SPIN1: variants seen among roughly 807,000 people sequenced by gnomAD.
SPIN1 encodes the protein spindlin 1.
A neutral mutation model predicts 26.0 loss-of-function variants in SPIN1; 3 were observed. The observed-to-expected ratio is 0.12, with a 90% CI of 0.05 to 0.30. The LOEUF (loss-of-function observed/expected upper bound fraction) is 0.30. SPIN1 is among the 10% of genes least tolerant of loss of function. SPIN1 has a pLI of 1.00. For missense variants in SPIN1, 126 were observed against 333.4 expected (o/e 0.38, Z 4.84); for synonymous variants, 101 against 116.5 (o/e 0.87, Z 0.86).
At chr9:88,421,116 T>C (rs1430026717) in intron 1 of SPIN1, among the ~76,000 whole-genome samples, 1 of 145,518 alleles carries the variant, frequency 6.9e-6, no homozygotes, top group East Asian at 1.9e-4. Flanking sequence ...CCCTGAATTA[T>C]TTGAAGTTAA....
intron 4 of SPIN1, among the ~76,000 whole-genome samples, chr9:88,464,479 C>G (rs1828622554): frequency 6.6e-6 from 1 of 152,208 alleles, no homozygotes; most frequent in East Asian, 1.9e-4. Context: ...TGTCACAGAG[C>G]AGTGGTTCCC....
chr9:88,433,777 G>GAGT (rs1666258065), intron 2 of SPIN1, among the ~76,000 whole-genome samples: 1 of 152,216 alleles, frequency 6.6e-6, no homozygotes, highest in Non-Finnish European at 1.5e-5. Flanking sequence ...GCAACAAGGA[G>GAGT]AGTATCACCT....
chr9:88,410,189 G>GCA (rs1564025099), intron 1 of SPIN1, among the ~76,000 whole-genome samples: 1 of 121,252 alleles, frequency 8.2e-6, no homozygotes, highest in African/African-American at 6.1e-5. Context: ...GTGTGTGTGT[G>GCA]CAACTTTTTT....
chr9:88,421,799 T>TAG (rs1248987982), intron 1 of SPIN1, among the ~76,000 whole-genome samples: 2 of 152,146 alleles, frequency 1.3e-5, no homozygotes, highest in Non-Finnish European at 1.5e-5. Context: ...CTCATGGTGT[T>TAG]GTCTAAGTTG....
intron 5 of SPIN1, 48 bp downstream of exon 5, chr9:88,468,653 G>A: frequency 1.7e-6 from 2 of 1,187,994 alleles, no homozygotes; most frequent in Non-Finnish European, 2.2e-6. Context: ...GAAGGGATTT[G>A]GACTTCAGTA....
intron 1 of SPIN1, among the ~76,000 whole-genome samples, chr9:88,399,332 G>A (rs1033843503): frequency 2.0e-5 from 3 of 152,074 alleles, no homozygotes; most frequent in Admixed American, 6.6e-5. Flanking sequence ...GTGCCCAGCC[G>A]TTAAGCGGTT....
At position 88,476,809 on chromosome 9, in the gene SPIN1, T is replaced by G. The variant is rs1478330649; in HGVS notation, c.*1532T>G. 2.0e-5 allele frequency: 3 copies of G among 152,176 alleles called. No homozygotes were observed. The highest frequency in any genetic ancestry group is 7.2e-5 in the African/African-American group (3 of 41,442). The allele number at this position is 152,176 out of a possible 1,614,324, so 9.4% of individuals were successfully genotyped here. On this transcript the variant is annotated 3_prime_UTR_variant, in exon 6 of 6. Coordinates refer to ENST00000375859, the MANE Select transcript of SPIN1 (RefSeq NM_006717.3). Reference sequence around the variant, plus strand: ...TGTGAAACCAGTCTCTTGTGGAGATTGGAAATCCTCCCTGATATTTGGGCA... The same window carrying G: ...TGTGAAACCAGTCTCTTGTGGAGATGGGAAATCCTCCCTGATATTTGGGCA...
intron 2 of SPIN1, among the ~76,000 whole-genome samples, chr9:88,447,097 T>A (rs2118123970): frequency 6.6e-6 from 1 of 152,322 alleles, no homozygotes; most frequent in African/African-American, 2.4e-5. Context: ...TTGTGCTCAT[T>A]GTTTTCTTCC....
chr9:88,448,377 G>A (rs1413168343), intron 2 of SPIN1, among the ~76,000 whole-genome samples: 1 of 151,580 alleles, frequency 6.6e-6, no homozygotes, highest in Non-Finnish European at 1.5e-5. Context: ...TTTGAGACAA[G>A]GTCTTGCTCT....
intron 2 of SPIN1, among the ~76,000 whole-genome samples, chr9:88,431,617 TTGTG>T (rs776650372): frequency 1.3e-5 from 2 of 152,208 alleles, no homozygotes; most frequent in East Asian, 3.8e-4. Flanking sequence ...TTCTCATTCT[TTGTG>T]TGTGTCCAGT....
intron 1 of SPIN1, among the ~76,000 whole-genome samples, chr9:88,398,576 TTTTA>T (rs1336333293): frequency 3.3e-5 from 5 of 152,144 alleles, no homozygotes; most frequent in South Asian, 4.1e-4. Flanking sequence ...ATTTGTTGAC[TTTTA>T]TTTATTTATT....
intron 2 of SPIN1, among the ~76,000 whole-genome samples, chr9:88,428,843 A>G (rs1827810348): frequency 6.6e-6 from 1 of 152,194 alleles, no homozygotes; most frequent in Non-Finnish European, 1.5e-5. Flanking sequence ...AAGATACAAG[A>G]AAAACAAACC....
chr9:88,450,977 C>T (rs998512175), intron 3 of SPIN1, among the ~76,000 whole-genome samples: 3 of 152,106 alleles, frequency 2.0e-5, no homozygotes, highest in Non-Finnish European at 4.4e-5. Flanking sequence ...GGCTGTTAGG[C>T]CTGTGGAAGT....
At position 88,395,476 on chromosome 9, in the gene SPIN1, T is replaced by C. The variant is rs968328798; in HGVS notation, c.-159+6938T>C. Among the ~76,000 whole-genome samples, 11 of 152,256 alleles carry C rather than the reference T, an allele frequency of 7.2e-5. 1 individual carries two copies. The highest frequency in any genetic ancestry group is 2.6e-4 in the Admixed American group (4 of 15,242). On this transcript the variant is annotated intron_variant, in intron 1 of 5. Transcript: ENST00000375859. ...GTTGTTTATATTCTCTTGGCTGTTA[T>C]AAATATTGCGGCAATGAATAACCTT... is the stretch of plus-strand genomic sequence containing the variant.
At chr9:88,389,177 G>T (rs1195228309) in intron 1 of SPIN1, among the ~76,000 whole-genome samples, 1 of 152,174 alleles carries the variant, frequency 6.6e-6, no homozygotes, top group African/African-American at 2.4e-5. Context: ...TCGCGCCCGC[G>T]CAGCCCCTTT....
chr9:88,475,606 G>A lies in SPIN1; in HGVS notation c.*329G>A. 4.7e-6 allele frequency: 1 copy of A among 213,366 alleles called. No individual in the cohort carries two copies. Among genetic ancestry groups the A allele is most frequent in the South Asian group, 8.6e-5 (1 of 11,686 alleles). 13.2% of individuals were successfully genotyped at this position (213,366 alleles called of 1,614,324 possible). ...CCCCTCACCCTAACTCTCTTATTCT[G>A]CCGCCACAATGCAAGCATAGTTTGA... On this transcript the variant is annotated 3_prime_UTR_variant, in exon 6 of 6. Transcript: ENST00000375859.
At chr9:88,406,256 T>G (rs1247773917) in intron 1 of SPIN1, among the ~76,000 whole-genome samples, 1 of 151,730 alleles carries the variant, frequency 6.6e-6, no homozygotes, top group African/African-American at 2.4e-5. Flanking sequence ...TGTACTTAAG[T>G]TTTGAAAGAT....
intron 4 of SPIN1, among the ~76,000 whole-genome samples, chr9:88,465,870 C>G (rs183605426): frequency 4.9e-4 from 75 of 152,218 alleles, no homozygotes; most frequent in African/African-American, 1.8e-3. Context: ...GGATTTTATA[C>G]CTGAACTGAA....
intron 1 of SPIN1, among the ~76,000 whole-genome samples, chr9:88,403,601 C>T (rs753908003): frequency 1.3e-5 from 2 of 152,060 alleles, no homozygotes; most frequent in Non-Finnish European, 2.9e-5. Flanking sequence ...GTCCCAGCTA[C>T]TCGGGAGGGT....
Sources: gnomAD v4.1 joint callset for allele counts (sites outside exome capture counted in the v4.1 genomes callset) on GRCh38, gnomAD v4.1.1 for gene constraint, MANE v1.5 for transcripts, NCBI Gene and HGNC (gene_info 2026-07-23, HGNC 2026-07-21) for gene names.